Variants in TRIO observed in about 807,000 individuals in gnomAD.
The protein encoded by TRIO is triple functional domain protein.
TRIO carries 58 observed loss-of-function variants against 351.9 expected under a neutral mutation model. The observed-to-expected ratio is 0.16, with a 90% confidence interval of 0.13 to 0.21. The LOEUF is 0.21. Among genes scored for constraint, TRIO ranks in the 10% least tolerant of loss-of-function variants. The probability of loss-of-function intolerance (pLI) is 1.00; values close to 1 mark genes in which losing one functional copy is unlikely to be tolerated. For missense variants in TRIO, 3,201 were observed against 4,027.8 expected, an observed-to-expected ratio of 0.79 and a Z score of 5.56; for synonymous variants, 1,758 against 1,595.7, an observed-to-expected ratio of 1.10 and a Z score of -2.42.
intron 11 of TRIO, among the ~76,000 whole-genome samples, chr5:14,340,396 G>GAA (rs1741835816): frequency 9.5e-6 from 1 of 105,686 alleles, no homozygotes; most frequent in African/African-American, 3.4e-5. Context: ...GACTCCGTCT[G>GAA]GAAAAAAAAA....
chr5:14,144,970 G>A (rs1478704190), intron 1 of TRIO, among the ~76,000 whole-genome samples: 1 of 152,130 alleles, frequency 6.6e-6, no homozygotes, highest in East Asian at 1.9e-4. Context: ...GGCCGGGCAC[G>A]GGGCAGGGAG....
chr5:14,346,810 T>C (rs1356482975), intron 11 of TRIO, among the ~76,000 whole-genome samples: 1 of 152,226 alleles, frequency 6.6e-6, no homozygotes, highest in African/African-American at 2.4e-5. Flanking sequence ...TGAATGGCTA[T>C]AATAAAAGAA....
intron 34 of TRIO, among the ~76,000 whole-genome samples, chr5:14,445,709 C>A (rs1222171303): frequency 6.6e-6 from 1 of 152,180 alleles, no homozygotes; most frequent in Non-Finnish European, 1.5e-5. Flanking sequence ...AATATATTAG[C>A]CCTAAGGCAA....
chr5:14,150,704 A>G (rs1482604523), intron 1 of TRIO, among the ~76,000 whole-genome samples: 1 of 152,238 alleles, frequency 6.6e-6, no homozygotes, highest in African/African-American at 2.4e-5. Context: ...CAAAGCTCAT[A>G]TAAGTAATTA....
At position 14,207,318 on chromosome 5, in the gene TRIO, T is replaced by TA. The variant is rs1554033392; in HGVS notation, c.157+63436_157+63437insA. 2.7e-4 allele frequency among the ~76,000 whole-genome samples: 3 copies of TA among 11,052 alleles called. 1 individual carries two copies. The highest frequency in any genetic ancestry group is 5.6e-4 in the Non-Finnish European group (3 of 5,368). The allele number at this position is 11,052 out of a possible 152,430, so 7.3% of individuals were successfully genotyped here. A position where few individuals can be genotyped will look rare whatever the true frequency, so the allele number is the denominator to read the frequency against. Reference sequence around the variant, plus strand: ...CCAGGTAGCATAGCAAGACTGTCTCTCACACACACACACACACACACACAC... The same window carrying TA: ...CCAGGTAGCATAGCAAGACTGTCTCTACACACACACACACACACACACACAC... On this transcript the variant is annotated intron_variant, in intron 1 of 56. Coordinates refer to ENST00000344204, the MANE Select transcript of TRIO (RefSeq NM_007118.4).
At chr5:14,340,397 GAAA>G (rs33944910) in intron 11 of TRIO, among the ~76,000 whole-genome samples, 1 of 131,502 alleles carries the variant, frequency 7.6e-6, no homozygotes, top group African/African-American at 2.9e-5. Flanking sequence ...ACTCCGTCTG[GAAA>G]AAAAAAAAAA....
chr5:14,380,248 A>T lies in TRIO; in HGVS notation c.3448-882A>T, dbSNP rs187390081. On this transcript the variant is annotated intron_variant, in intron 20 of 56. Coordinates refer to ENST00000344204, the MANE Select transcript of TRIO (RefSeq NM_007118.4). ...AGAAACAACTAGGTGTGGTGTTCTC[A>T]GTTCCCTCTTCCCGGCGCCCCGCCT... Among the ~76,000 whole-genome samples the T allele has an allele frequency of 4.6e-5, 7 of 151,248 alleles. No individual in the cohort carries two copies. In the East Asian group the frequency reaches 9.8e-4, roughly 21 times the overall value.
chr5:14,270,883 A>G lies in TRIO; in HGVS notation c.216A>G (p.Lys72=), dbSNP rs140078262. 20 of 1,613,788 alleles carry G rather than the reference A, an allele frequency of 1.2e-5. No homozygotes were observed. In the African/African-American group the frequency reaches 2.3e-4, roughly 18 times the overall value. Residue 72 remains lysine (K), a synonymous_variant, in exon 2 of 57, where the codon AAA becomes AAG. Coordinates refer to ENST00000344204, the MANE Select transcript of TRIO (RefSeq NM_007118.4). ...AMDVLPILKE[K]VAYLSGGRDK... is the part of the protein sequence containing the mutation. The stretch of plus-strand genomic sequence containing the variant: ...ATGTTTTACCAATTTTGAAGGAAAA[A>G]GTTGCATACCTTTCAGGTAAAGTTT...
intron 1 of TRIO, among the ~76,000 whole-genome samples, chr5:14,178,502 A>G (rs1482041263): frequency 6.6e-6 from 1 of 152,202 alleles, no homozygotes; most frequent in African/African-American, 2.4e-5. Flanking sequence ...ACATTTCTTG[A>G]TAAGCTGACC....
chr5:14,487,528 G>A lies in TRIO; in HGVS notation c.6900G>A (p.Gly2300=). 1 of 1,048,880 alleles carries A rather than the reference G, an allele frequency of 9.5e-7. No homozygotes were observed. Among genetic ancestry groups the A allele is most frequent in the Non-Finnish European group, 1.2e-6 (1 of 861,976 alleles). 65.0% of individuals were successfully genotyped at this position (1,048,880 alleles called of 1,614,324 possible). Reference sequence around the variant, plus strand: ...GGGGCGGCGGCGGCGGCGGCAGCGGGGGCAGCGGCGGGGGTGGGGGCAGCG... The same window carrying A: ...GGGGCGGCGGCGGCGGCGGCAGCGGAGGCAGCGGCGGGGGTGGGGGCAGCG... The part of the protein sequence containing the change: ...HSGGGGGGGS[G]GSGGGGGSGG... The change falls in exon 48 of 57, where the codon GGG becomes GGA. Residue 2300 remains glycine, a synonymous_variant. Coordinates refer to ENST00000344204, the MANE Select transcript of TRIO (RefSeq NM_007118.4).
chr5:14,381,079 C>T lies in TRIO; in HGVS notation c.3448-51C>T, dbSNP rs182751740. On this transcript the variant is annotated intron_variant, in intron 20 of 56. Transcript: ENST00000344204. ...AATGAGGTGCTCGGGGCTTTGGGCT[C>T]CTCTCAGGAATGTGTAGCCCTCTGA... is the stretch of plus-strand genomic sequence containing the variant. 223 of 1,566,782 alleles carry T rather than the reference C, an allele frequency of 1.4e-4. No individual in the cohort carries two copies. In the African/African-American group the frequency reaches 2.9e-3, roughly 20 times the overall value.
intron 34 of TRIO, among the ~76,000 whole-genome samples, chr5:14,427,873 C>G (rs1357208574): frequency 6.6e-6 from 1 of 152,182 alleles, no homozygotes; most frequent in Non-Finnish European, 1.5e-5. Context: ...GCCACCAACA[C>G]AAGAGCCAGC....
intron 1 of TRIO, among the ~76,000 whole-genome samples, chr5:14,154,817 T>G (rs1788014369): frequency 6.6e-6 from 1 of 152,212 alleles, no homozygotes; most frequent in Non-Finnish European, 1.5e-5. Context: ...GAAGGTAGAT[T>G]GTGCTCTAAA....
At chr5:14,211,739 G>C (rs758319731) in intron 1 of TRIO, among the ~76,000 whole-genome samples, 9 of 151,630 alleles carry the variant, frequency 5.9e-5, no homozygotes, top group Non-Finnish European at 1.3e-4. Context: ...AATCTTTTTA[G>C]TATTCTGATC....
chr5:14,352,008 G>A (rs1743178783), intron 11 of TRIO, among the ~76,000 whole-genome samples: 2 of 152,236 alleles, frequency 1.3e-5, no homozygotes, highest in Admixed American at 1.3e-4. Context: ...TTTTCAAGGG[G>A]ATTTCTTCCA....
chr5:14,213,374 C>G (rs116405871), intron 1 of TRIO, among the ~76,000 whole-genome samples: 2 of 149,242 alleles, frequency 1.3e-5, no homozygotes, highest in Non-Finnish European at 3.0e-5. Context: ...ATAATATATG[C>G]ACTATATATA....
chr5:14,271,686 A>G (rs1340099810), intron 2 of TRIO, among the ~76,000 whole-genome samples: 1 of 152,196 alleles, frequency 6.6e-6, no homozygotes, highest in Non-Finnish European at 1.5e-5. Context: ...ACATCTGTAG[A>G]TTGTCGTCAC....
chr5:14,313,252 T>A (rs547421928), intron 8 of TRIO, among the ~76,000 whole-genome samples: 1 of 152,214 alleles, frequency 6.6e-6, no homozygotes, highest in Non-Finnish European at 1.5e-5. Context: ...GGAGCTTTCC[T>A]TAATGAGTTG....
intron 9 of TRIO, 88 bp from the exon 10 acceptor site, chr5:14,330,690 A>C (rs1411080415): frequency 4.2e-6 from 6 of 1,444,078 alleles, no homozygotes; most frequent in Non-Finnish European, 5.5e-6. Context: ...GAGTTTTAAC[A>C]ACAGAAGGGG....
Sources: allele counts gnomAD v4.1 joint callset (sites outside exome capture counted in the v4.1 genomes callset), GRCh38; gene constraint gnomAD v4.1.1; transcripts MANE v1.5; gene names NCBI Gene and HGNC (gene_info 2026-07-23, HGNC 2026-07-21).